MARCO: variants seen among roughly 807,000 people sequenced by gnomAD.
MARCO encodes macrophage receptor MARCO.
MARCO carries 72 observed loss-of-function variants against 70.0 expected under a neutral mutation model. The observed-to-expected ratio is 1.03, with a 90% CI of 0.85 to 1.25. The LOEUF (loss-of-function observed/expected upper bound fraction) is 1.25. MARCO is among the 50% of genes most tolerant of loss of function. MARCO has a pLI of 0.00. For synonymous variants in MARCO, 273 were observed against 243.1 expected, an observed-to-expected ratio of 1.12 and a Z score of -1.14; for missense variants, 696 against 659.3, an observed-to-expected ratio of 1.06 and a Z score of -0.61.
intron 1 of MARCO, 99 bp from the exon 2 acceptor site, chr2:118,969,061 G>A: frequency 1.2e-6 from 1 of 808,830 alleles, no homozygotes; most frequent in South Asian, 1.5e-5. Context: ...TGACCTCACA[G>A]GGTGCCCCCT....
rs1680113342 is a variant in MARCO, at chr2:118,969,195, T to C, written c.133T>C (p.Ser45Pro). 1 of 1,614,090 alleles carries C rather than the reference T, an allele frequency of 6.2e-7. No individual in the cohort carries two copies. The highest frequency in any genetic ancestry group is 8.5e-7 in the Non-Finnish European group (1 of 1,180,020). The change falls in exon 2 of 17, where the codon TCC (serine) becomes CCC (proline). Residue 45 changes from serine (S) to proline (P), a missense_variant. This residue lies in a region of MARCO where 605 missense variants were observed against 537.6 expected (regional missense o/e 1.13). Coordinates refer to ENST00000327097, the MANE Select transcript of MARCO (RefSeq NM_006770.4). ...CAAGAGGAGAAATGGGGTGAACTTC[T>C]CCCTAGCTGTGGTGGTCATCTACCT... The part of the protein sequence containing the change: ...KPKRRNGVNF[S>P]LAVVVIYLIL...
chr2:118,943,027 T>C (rs140363675), intron 1 of MARCO, among the ~76,000 whole-genome samples: 3 of 152,228 alleles, frequency 2.0e-5, no homozygotes, highest in African/African-American at 7.2e-5. Flanking sequence ...TTGTAGCATT[T>C]GAAGTCATGG....
intron 1 of MARCO, among the ~76,000 whole-genome samples, chr2:118,943,779 T>C (rs1002893699): frequency 5.3e-5 from 8 of 152,122 alleles, no homozygotes; most frequent in African/African-American, 9.7e-5. Context: ...TTGGCCAAAA[T>C]TGGGACGGAA....
intron 1 of MARCO, among the ~76,000 whole-genome samples, chr2:118,960,968 A>T (rs6719881): frequency 0.8 from 121,109 of 152,052 alleles, 48,982 homozygotes; most frequent in East Asian, 1. Flanking sequence ...CAGCTCCCAC[A>T]TATAAGTGAG....
At chr2:118,987,869 A>G (rs951715729) in intron 12 of MARCO, among the ~76,000 whole-genome samples, 6 of 152,206 alleles carry the variant, frequency 3.9e-5, no homozygotes, top group Admixed American at 6.5e-5. Flanking sequence ...AAATGGCCTC[A>G]GGGAGGCTGG....
At chr2:118,984,589 A>G (rs1680451227) in intron 12 of MARCO, among the ~76,000 whole-genome samples, 1 of 152,362 alleles carries the variant, frequency 6.6e-6, no homozygotes, top group Non-Finnish European at 1.5e-5. Flanking sequence ...TCCTTGATTT[A>G]GTAGCTGACA....
intron 12 of MARCO, among the ~76,000 whole-genome samples, chr2:118,987,121 C>A (rs549973881): frequency 6.6e-6 from 1 of 152,330 alleles, no homozygotes; most frequent in South Asian, 2.1e-4. Context: ...ACACACATTT[C>A]TTGGGAGAAT....
At chr2:118,959,292 G>GA (rs925350507) in intron 1 of MARCO, among the ~76,000 whole-genome samples, 1 of 151,280 alleles carries the variant, frequency 6.6e-6, no homozygotes, top group Admixed American at 6.6e-5. Flanking sequence ...AAATCAGTAA[G>GA]AAAAAAAATT....
chr2:118,981,025 A>T (rs1284264396), intron 8 of MARCO, among the ~76,000 whole-genome samples: 6 of 152,172 alleles, frequency 3.9e-5, no homozygotes, highest in Admixed American at 6.5e-5. Context: ...TGCTATTCTC[A>T]GCATTTGGGA....
At chr2:118,973,709 G>A (rs1338872154) in intron 4 of MARCO, among the ~76,000 whole-genome samples, 1 of 152,174 alleles carries the variant, frequency 6.6e-6, no homozygotes, top group African/African-American at 2.4e-5. Context: ...GCCTGCCGGT[G>A]GAACTGCCTT....
chr2:118,958,298 A>C (rs1174307739), intron 1 of MARCO, among the ~76,000 whole-genome samples: 1 of 152,122 alleles, frequency 6.6e-6, no homozygotes, highest in Admixed American at 6.5e-5. Flanking sequence ...AGAATTCAGC[A>C]AAGTTTCTGG....
At chr2:118,972,756 TG>T (rs558584866) in intron 4 of MARCO, among the ~76,000 whole-genome samples, 127 of 152,374 alleles carry the variant, frequency 8.3e-4, no homozygotes, top group African/African-American at 2.9e-3. Flanking sequence ...TCCAGCCTGA[TG>T]AATGCTGGCT....
At chr2:118,961,568 T>A (rs1006108356) in intron 1 of MARCO, among the ~76,000 whole-genome samples, 1 of 151,924 alleles carries the variant, frequency 6.6e-6, no homozygotes, top group Non-Finnish European at 1.5e-5. Context: ...ATGAGGTTGT[T>A]TTTTTTTCTT....
intron 14 of MARCO, 38 bp downstream of exon 14, chr2:118,991,913 T>C: frequency 7.1e-7 from 1 of 1,405,332 alleles, no homozygotes; most frequent in Admixed American, 2.1e-5. Flanking sequence ...TTCTTAGGAC[T>C]GTGCTTTACA....
At chr2:118,946,092 G>A (rs889305597) in intron 1 of MARCO, among the ~76,000 whole-genome samples, 21 of 152,174 alleles carry the variant, frequency 1.4e-4, no homozygotes, top group African/African-American at 5.1e-4. Flanking sequence ...TTTTTATGGT[G>A]AAGTAGTTAT....
At chr2:118,988,867 G>A (rs1464830923) in intron 12 of MARCO, among the ~76,000 whole-genome samples, 2 of 152,134 alleles carry the variant, frequency 1.3e-5, no homozygotes, top group Non-Finnish European at 2.9e-5. Context: ...AGGGGACACA[G>A]GACACTGTGG....
At chr2:118,964,093 C>A (rs1679998879) in intron 1 of MARCO, among the ~76,000 whole-genome samples, 1 of 152,148 alleles carries the variant, frequency 6.6e-6, no homozygotes, top group Non-Finnish European at 1.5e-5. Flanking sequence ...AATATACATA[C>A]AGAACATATC....
In MARCO at chr2:118,994,638, T is replaced by A; in HGVS notation, c.*118T>A. The A allele has an allele frequency of 2.0e-6, 2 of 1,000,140 alleles. No individual in the cohort carries two copies. The highest frequency in any genetic ancestry group is 1.7e-5 in the South Asian group (1 of 58,318). The allele number at this position is 1,000,140 out of a possible 1,614,324, so 62.0% of individuals were successfully genotyped here. A position where few individuals can be genotyped will look rare whatever the true frequency, so the allele number is the denominator to read the frequency against. ...TGAGCAGCCTCTGGAGAGGGGCCAT[T>A]AATAAAGCTCAACATCATTGGCTGT... On this transcript the variant is annotated 3_prime_UTR_variant, in exon 17 of 17. Coordinates refer to ENST00000327097, the MANE Select transcript of MARCO (RefSeq NM_006770.4).
chr2:118,990,005 G>A (rs1326654830), intron 12 of MARCO, among the ~76,000 whole-genome samples: 2 of 152,150 alleles, frequency 1.3e-5, no homozygotes, highest in Non-Finnish European at 2.9e-5. Context: ...AAGAAAGGGG[G>A]ACCTTTAACA....
Sources: gnomAD v4.1 joint callset for allele counts (sites outside exome capture counted in the v4.1 genomes callset) on GRCh38, gnomAD v4.1.1 for gene constraint, gnomAD v4.1.1 regional missense constraint, MANE v1.5 for transcripts, NCBI Gene and HGNC (gene_info 2026-07-23, HGNC 2026-07-21) for gene names.